The following CLOCK variants were observed in gnomAD, a reference collection of about 807,000 sequenced individuals.
CLOCK encodes the protein clock circadian regulator, also known as circadian locomoter output cycles protein kaput.
CLOCK carries 43 observed loss-of-function variants against 118.4 expected under a neutral mutation model. The observed-to-expected ratio is 0.36, with a 90% CI of 0.28 to 0.47. The LOEUF (loss-of-function observed/expected upper bound fraction) is 0.47, where lower values mean the gene tolerates loss of function less well. CLOCK is among the 20% of genes least tolerant of loss of function. CLOCK has a pLI of 1.00. For missense variants in CLOCK, 846 were observed against 999.9 expected (o/e 0.85, Z 2.08); for synonymous variants, 326 against 339.2 (o/e 0.96, Z 0.43).
Position 55,428,292 on chromosome 4 carries a change from G to C in CLOCK, c.*7123C>G, listed in dbSNP as rs1483931192. ...ATTTTGACTTTCTCCTCAAAGGATA[G>C]CTTTGAAAAACAAGTGTAACCAATT... On this transcript the variant is annotated 3_prime_UTR_variant, in exon 23 of 23. Coordinates refer to ENST00000513440, the MANE Select transcript of CLOCK (RefSeq NM_004898.4). The C allele has an allele frequency of 6.6e-6, 1 of 152,116 alleles. No homozygotes were observed. The highest frequency in any genetic ancestry group is 2.4e-5 in the African/African-American group (1 of 41,438). 9.4% of individuals were successfully genotyped at this position (152,116 alleles called of 1,614,324 possible). A position where few individuals can be genotyped will look rare whatever the true frequency, so the allele number is the denominator to read the frequency against.
chr4:55,475,981 A>G lies in CLOCK; in HGVS notation c.330T>C (p.Phe110=). ...WKPTFLSNEE[F]TQLMLEALDG... is the part of the protein sequence containing the mutation. ...GACATACCTCTAACATTAATTGTGT[A>G]AACTCTTCATTACTAAGGAATGTAG... Residue 110 remains phenylalanine (F), a synonymous_variant, in exon 7 of 23, where the codon TTT becomes TTC. Transcript: ENST00000513440. 6.2e-7 allele frequency: 1 copy of G among 1,610,970 alleles called. No homozygotes were observed. The highest frequency in any genetic ancestry group is 1.1e-5 in the South Asian group (1 of 90,976).
intron 4 of CLOCK, among the ~76,000 whole-genome samples, chr4:55,482,083 A>G (rs1282825243): frequency 6.6e-6 from 1 of 152,134 alleles, no homozygotes; most frequent in African/African-American, 2.4e-5. Flanking sequence ...AACAAAGACA[A>G]CTTAAAGTCT....
intron 3 of CLOCK, among the ~76,000 whole-genome samples, chr4:55,486,741 T>TG (rs1727325282): frequency 6.6e-6 from 1 of 152,186 alleles, no homozygotes; most frequent in Admixed American, 6.5e-5. Flanking sequence ...GCCATTCTGA[T>TG]TACTGATCCT....
intron 13 of CLOCK, among the ~76,000 whole-genome samples, chr4:55,455,530 T>C (rs1195690635): frequency 1.3e-5 from 2 of 152,220 alleles, no homozygotes; most frequent in African/African-American, 4.8e-5. Context: ...TCCAGACATG[T>C]ACCTAGCTCC....
intron 1 of CLOCK, among the ~76,000 whole-genome samples, chr4:55,544,913 C>T (rs996242988): frequency 1.3e-5 from 2 of 152,106 alleles, no homozygotes; most frequent in Admixed American, 6.6e-5. Flanking sequence ...CACAAAGTAC[C>T]GCTACACCTT....
chr4:55,448,601 C>CGTGT (rs3034980), intron 18 of CLOCK, among the ~76,000 whole-genome samples, 178 bp downstream of exon 18: 5,369 of 116,802 alleles, frequency 0.046, 150 homozygotes, highest in Non-Finnish European at 0.067. Flanking sequence ...CGCACGCGCG[C>CGTGT]GTGTGTGTGT....
intron 1 of CLOCK, among the ~76,000 whole-genome samples, chr4:55,523,234 A>T (rs1281162234): frequency 6.6e-6 from 1 of 152,134 alleles, no homozygotes; most frequent in Non-Finnish European, 1.5e-5. Context: ...TGGGAGGCGG[A>T]GCTTGCAGTG....
chr4:55,532,074 C>T (rs577001553), intron 1 of CLOCK, among the ~76,000 whole-genome samples: 1 of 152,022 alleles, frequency 6.6e-6, no homozygotes, highest in Non-Finnish European at 1.5e-5. Context: ...GCACAAAAAC[C>T]ACATGATTCC....
At chr4:55,448,752 GC>G in intron 18 of CLOCK, 26 bp downstream of exon 18, 1 of 1,554,252 alleles carries the variant, frequency 6.4e-7, no homozygotes, top group Non-Finnish European at 8.9e-7. Context: ...ATTCAAATAC[GC>G]AACTGAAACA....
In CLOCK at chr4:55,440,876, G is replaced by A. The variant is rs535525892; in HGVS notation, c.2105+1556C>T. Among the ~76,000 whole-genome samples the A allele has an allele frequency of 7.9e-5, 12 of 152,232 alleles. No homozygotes were observed. The South Asian group carries it at 2.5e-3, about 32-fold the overall frequency. ...ACATCCAAAGCCAAGCTCAAGTCTTGAAGAGTCAGGGCAAGTATCTCTGCC... is the reference window on the plus strand; with the variant it reads ...ACATCCAAAGCCAAGCTCAAGTCTTAAAGAGTCAGGGCAAGTATCTCTGCC... On this transcript the variant is annotated intron_variant, in intron 21 of 22. Transcript: ENST00000513440.
rs777874697 is a variant in CLOCK at position 55,433,844 on chromosome 4, T to C, written c.*1571A>G. On this transcript the variant is annotated 3_prime_UTR_variant, in exon 23 of 23. Coordinates refer to ENST00000513440, the MANE Select transcript of CLOCK (RefSeq NM_004898.4). ...AGAAGGCATGTGAGTTACAATATTCTAATGTTGTAGTGAAGGCATAGCCAA... is the reference window on the plus strand; with the variant it reads ...AGAAGGCATGTGAGTTACAATATTCCAATGTTGTAGTGAAGGCATAGCCAA... 1 of 152,230 alleles carries C rather than the reference T, an allele frequency of 6.6e-6. No individual in the cohort carries two copies. Among genetic ancestry groups the C allele is most frequent in the Non-Finnish European group, 1.5e-5 (1 of 68,034 alleles). The allele number at this position is 152,230 out of a possible 1,614,324, so 9.4% of individuals were successfully genotyped here.
intron 2 of CLOCK, among the ~76,000 whole-genome samples, chr4:55,497,640 T>G (rs532730836): frequency 6.6e-6 from 1 of 152,344 alleles, no homozygotes; most frequent in Admixed American, 6.5e-5. Context: ...CCTTTCATAT[T>G]TCTTAAAGGG....
intron 3 of CLOCK, among the ~76,000 whole-genome samples, chr4:55,488,098 C>G (rs1727415185): frequency 1.3e-5 from 2 of 152,148 alleles, no homozygotes; most frequent in Non-Finnish European, 2.9e-5. Context: ...TCCATATTGC[C>G]AAGTCTAATG....
At chr4:55,486,972 T>C (rs1560451515) in intron 3 of CLOCK, among the ~76,000 whole-genome samples, 1 of 152,212 alleles carries the variant, frequency 6.6e-6, no homozygotes, top group Non-Finnish European at 1.5e-5. Context: ...GAGCACTTAT[T>C]TGAACATTGG....
At chr4:55,535,109 T>G (rs1485609505) in intron 1 of CLOCK, among the ~76,000 whole-genome samples, 1 of 151,908 alleles carries the variant, frequency 6.6e-6, no homozygotes, top group Non-Finnish European at 1.5e-5. Flanking sequence ...TTTTCTATTT[T>G]TTTGGAGAGC....
intron 2 of CLOCK, among the ~76,000 whole-genome samples, chr4:55,489,819 G>C (rs1727552470): frequency 6.6e-6 from 1 of 152,030 alleles, no homozygotes; most frequent in Admixed American, 6.6e-5. Flanking sequence ...ATTGTTATAC[G>C]CTTAAGACAG....
intron 15 of CLOCK, among the ~76,000 whole-genome samples, chr4:55,451,781 C>T (rs965490317): frequency 6.6e-6 from 1 of 152,290 alleles, no homozygotes; most frequent in Admixed American, 6.5e-5. Flanking sequence ...TCTACCAAAA[C>T]ATACTATGTC....
At chr4:55,545,238 C>G (rs908324561) in intron 1 of CLOCK, among the ~76,000 whole-genome samples, 2 of 152,198 alleles carry the variant, frequency 1.3e-5, no homozygotes, top group Admixed American at 6.5e-5. Context: ...GTTCAGCCAA[C>G]CACTTATCAC....
chr4:55,510,633 A>ATTT (rs1390129775), intron 1 of CLOCK, among the ~76,000 whole-genome samples: 41 of 144,776 alleles, frequency 2.8e-4, no homozygotes, highest in South Asian at 1.8e-3. Context: ...TCTTTTTAAA[A>ATTT]AAAAAAAAAA....
Sources: allele counts gnomAD v4.1 joint callset (sites outside exome capture counted in the v4.1 genomes callset), GRCh38; gene constraint gnomAD v4.1.1; transcripts MANE v1.5; gene names NCBI Gene and HGNC (gene_info 2026-07-23, HGNC 2026-07-21).